The following SRGAP3 variants were observed in gnomAD, a reference collection of about 807,000 sequenced individuals.
The protein encoded by SRGAP3 is SLIT-ROBO Rho GTPase-activating protein 3.
SRGAP3 carries 39 observed loss-of-function variants against 121.1 expected under a neutral mutation model. That is an observed-to-expected ratio of 0.32 (90% CI 0.25 to 0.42). SRGAP3 has a LOEUF of 0.42. Ranked by LOEUF, SRGAP3 falls within the 10% of genes least tolerant of loss-of-function variation. The probability of loss-of-function intolerance (pLI) is 1.00; values close to 1 mark genes in which losing one functional copy is unlikely to be tolerated. For missense variants in SRGAP3, 1,213 were observed against 1,470.6 expected (o/e 0.82, Z 2.86); for synonymous variants, 601 against 570.0 (o/e 1.05, Z -0.77).
intron 1 of SRGAP3, among the ~76,000 whole-genome samples, chr3:9,206,586 T>C (rs1366712314): frequency 1.3e-5 from 2 of 152,170 alleles, no homozygotes; most frequent in African/African-American, 4.8e-5. Context: ...AGCAGCCTCC[T>C]GAATCTTTCT....
chr3:9,230,119 G>A (rs192471193), intron 1 of SRGAP3, among the ~76,000 whole-genome samples: 2 of 152,310 alleles, frequency 1.3e-5, no homozygotes, highest in Admixed American at 6.5e-5. Context: ...ATAACAATCG[G>A]TGACGCTGAC....
chr3:9,289,101 G>A (rs1208704168), intron 3 of SRGAP3, among the ~76,000 whole-genome samples: 4 of 150,558 alleles, frequency 2.7e-5, no homozygotes, highest in Admixed American at 6.6e-5. Flanking sequence ...GTTTTACCAC[G>A]TTGATCATGG....
chr3:9,150,911 C>T (rs1950189596), intron 1 of SRGAP3, among the ~76,000 whole-genome samples: 1 of 152,206 alleles, frequency 6.6e-6, no homozygotes. Flanking sequence ...CAGTCCTTTC[C>T]TCAAAGACCT....
chr3:9,305,257 TCA>T (rs1955136192), intron 3 of SRGAP3, among the ~76,000 whole-genome samples: 2 of 151,574 alleles, frequency 1.3e-5, no homozygotes, highest in Admixed American at 1.3e-4. Context: ...CTCCTGGTGC[TCA>T]GTCACTGGTG....
chr3:9,304,052 A>G lies in SRGAP3; in HGVS notation n.442+21958T>C, dbSNP rs570084036. 2.0e-5 allele frequency among the ~76,000 whole-genome samples: 3 copies of G among 152,288 alleles called. No individual in the cohort carries two copies. The South Asian group carries it at 6.2e-4, about 32-fold the overall frequency. On this transcript the variant is annotated intron_variant and non_coding_transcript_variant, in intron 3 of 3. Coordinates refer to the SRGAP3 transcript ENST00000490889. The stretch of plus-strand genomic sequence containing the variant: ...CTGGAAGGGGAGACGTTTCACAAAC[A>G]ATTCTGTCCAGGGTCGCACTGCTGC...
rs1255285682 is a variant in SRGAP3, at chr3:8,983,544, C to A, written c.*1975G>T. 4.3e-6 allele frequency: 1 copy of A among 230,494 alleles called. No individual in the cohort carries two copies. Among genetic ancestry groups the A allele is most frequent in the Non-Finnish European group, 8.6e-6 (1 of 116,500 alleles). The allele number at this position is 230,494 out of a possible 1,614,324, so 14.3% of individuals were successfully genotyped here. A position where few individuals can be genotyped will look rare whatever the true frequency, so the allele number is the denominator to read the frequency against. Reference sequence around the variant, plus strand: ...TCGCGGGGGACCAGAGGAGAGGGCACCACTTCATCCAATGGGCTGAAATGT... The same window carrying A: ...TCGCGGGGGACCAGAGGAGAGGGCAACACTTCATCCAATGGGCTGAAATGT... On this transcript the variant is annotated 3_prime_UTR_variant, in exon 22 of 22. Transcript: ENST00000383836.
At chr3:9,089,529 A>G (rs909875728) in intron 3 of SRGAP3, among the ~76,000 whole-genome samples, 3 of 152,192 alleles carry the variant, frequency 2.0e-5, no homozygotes, top group Non-Finnish European at 2.9e-5. Context: ...AGGAAAGTAC[A>G]AAGGAGGCCC....
intron 17 of SRGAP3, among the ~76,000 whole-genome samples, chr3:9,011,999 C>T (rs1446287652): frequency 2.0e-5 from 3 of 152,180 alleles, no homozygotes; most frequent in Admixed American, 2.0e-4. Context: ...GTAATGGTTG[C>T]AAAAACTGTG....
In SRGAP3 at chr3:9,173,348, G is replaced by A. The variant is rs576242404; in HGVS notation, c.68-48431C>T. Among the ~76,000 whole-genome samples, 4 of 152,336 alleles carry A rather than the reference G, an allele frequency of 2.6e-5. No homozygotes were observed. In the South Asian group the frequency reaches 6.2e-4, roughly 24 times the overall value. ...CCCCAGATGATGGTCTTGGGTCATT[G>A]CCAGTGAAAGCACTACCCTCCTTCA... On this transcript the variant is annotated intron_variant, in intron 1 of 21. Transcript: ENST00000383836.
intron 3 of SRGAP3, among the ~76,000 whole-genome samples, chr3:9,088,718 CCATT>C (rs2124838470): frequency 6.6e-6 from 1 of 152,274 alleles, no homozygotes. Flanking sequence ...TTTTGTTTGG[CCATT>C]CAGTGCTTTC....
intron 3 of SRGAP3, among the ~76,000 whole-genome samples, chr3:9,287,254 A>T (rs1162571250): frequency 6.6e-6 from 1 of 152,076 alleles, no homozygotes; most frequent in Non-Finnish European, 1.5e-5. Context: ...ACCCTCGTGA[A>T]CTGCTGGGAT....
chr3:9,334,736 C>G (rs917971249), intron 1 of SRGAP3, among the ~76,000 whole-genome samples: 1 of 152,124 alleles, frequency 6.6e-6, no homozygotes, highest in African/African-American at 2.4e-5. Context: ...GTCAACTACC[C>G]AAATGGAAAG....
intron 10 of SRGAP3, among the ~76,000 whole-genome samples, chr3:9,044,822 A>G (rs549736681): frequency 1.3e-5 from 2 of 152,096 alleles, no homozygotes; most frequent in Admixed American, 6.6e-5. Context: ...GGCCTGCTGA[A>G]TTTTTTCCCT....
At chr3:9,212,097 G>A (rs889044874) in intron 1 of SRGAP3, among the ~76,000 whole-genome samples, 1 of 140,428 alleles carries the variant, frequency 7.1e-6, no homozygotes, top group Non-Finnish European at 1.6e-5. Flanking sequence ...AGTATACTTA[G>A]TTAAAGGAGG....
At chr3:8,987,458 A>T (rs1234991572) in intron 21 of SRGAP3, among the ~76,000 whole-genome samples, 1 of 152,134 alleles carries the variant, frequency 6.6e-6, no homozygotes, top group East Asian at 1.9e-4. Context: ...GGTGAAACAG[A>T]TGGTGGGGTT....
At chr3:8,992,173 A>G (rs995572873) in intron 20 of SRGAP3, among the ~76,000 whole-genome samples, 3 of 152,190 alleles carry the variant, frequency 2.0e-5, no homozygotes, top group Admixed American at 6.5e-5. Context: ...AAATACCTAC[A>G]TGTGTGGGCT....
At chr3:9,116,284 G>A (rs1483248244) in intron 2 of SRGAP3, among the ~76,000 whole-genome samples, 1 of 152,118 alleles carries the variant, frequency 6.6e-6, no homozygotes, top group East Asian at 1.9e-4. Context: ...ATCTCCTTTC[G>A]CAGCCACACA....
chr3:9,326,921 C>G (rs1955529314), intron 2 of SRGAP3, among the ~76,000 whole-genome samples: 1 of 151,798 alleles, frequency 6.6e-6, no homozygotes, highest in Admixed American at 6.5e-5. Flanking sequence ...GCTCTCCAAA[C>G]AAGACCCAAT....
intron 1 of SRGAP3, among the ~76,000 whole-genome samples, chr3:9,186,572 G>T (rs1174951162): frequency 6.6e-6 from 1 of 152,128 alleles, no homozygotes; most frequent in East Asian, 1.9e-4. Context: ...ATTCACCAGT[G>T]AAGTATTACT....
Sources: gnomAD v4.1 joint callset for allele counts (sites outside exome capture counted in the v4.1 genomes callset) on GRCh38, gnomAD v4.1.1 for gene constraint, MANE v1.5 for transcripts, NCBI Gene and HGNC (gene_info 2026-07-23, HGNC 2026-07-21) for gene names.